The following RBFOX1 variants were observed in gnomAD, a reference collection of about 807,000 sequenced individuals.
RBFOX1 encodes RNA binding fox-1 homolog 1.
RBFOX1 carries 8 observed loss-of-function variants against 57.7 expected under a neutral mutation model. That is an observed-to-expected ratio of 0.14 (90% CI 0.08 to 0.25). RBFOX1 has a LOEUF of 0.25. Among genes scored for constraint, RBFOX1 ranks in the 10% least tolerant of loss-of-function variants. The pLI is 1.00. For synonymous variants in RBFOX1, 326 were observed against 222.4 expected (o/e 1.47, Z -4.15); for missense variants, 611 against 548.5 (o/e 1.11, Z -1.14).
chr16:6,989,105 C>T (rs370173066), intron 3 of RBFOX1, among the ~76,000 whole-genome samples: 25 of 152,110 alleles, frequency 1.6e-4, no homozygotes, highest in Non-Finnish European at 2.9e-4. Flanking sequence ...CCATGTTGGG[C>T]AGGTTGGCCT....
intron 3 of RBFOX1, among the ~76,000 whole-genome samples, chr16:5,632,231 G>A (rs1199661492): frequency 6.6e-6 from 1 of 152,186 alleles, no homozygotes; most frequent in East Asian, 1.9e-4. Flanking sequence ...ACGATGTCAT[G>A]AGACAACTAG....
chr16:6,509,125 CTTTT>C (rs2096190493), intron 2 of RBFOX1, among the ~76,000 whole-genome samples: 2 of 152,124 alleles, frequency 1.3e-5, no homozygotes, highest in African/African-American at 4.8e-5. Context: ...GTTGTGCTTT[CTTTT>C]GTCTTAAGTA....
intron 3 of RBFOX1, among the ~76,000 whole-genome samples, chr16:6,746,139 C>T (rs1157610423): frequency 6.6e-6 from 1 of 152,048 alleles, no homozygotes; most frequent in Non-Finnish European, 1.5e-5. Context: ...AATATGTGAG[C>T]ATACAGGCCA....
intron 2 of RBFOX1, among the ~76,000 whole-genome samples, chr16:6,387,513 A>G (rs2092360635): frequency 6.6e-6 from 1 of 152,140 alleles, no homozygotes; most frequent in Non-Finnish European, 1.5e-5. Flanking sequence ...GTGTAAAAAA[A>G]ATGAAGCCAT....
At chr16:7,566,731 A>G (rs902319440) in intron 5 of RBFOX1, among the ~76,000 whole-genome samples, 1 of 152,130 alleles carries the variant, frequency 6.6e-6, no homozygotes, top group African/African-American at 2.4e-5. Context: ...ATTCAGCATC[A>G]GTGATAGCCG....
At chr16:7,269,356 C>T (rs987327553) in intron 4 of RBFOX1, among the ~76,000 whole-genome samples, 1 of 151,976 alleles carries the variant, frequency 6.6e-6, no homozygotes. Context: ...CATACAAAAG[C>T]AAAAATCATC....
At chr16:7,129,664 G>A (rs2069659366) in intron 4 of RBFOX1, among the ~76,000 whole-genome samples, 1 of 152,080 alleles carries the variant, frequency 6.6e-6, no homozygotes, top group African/African-American at 2.4e-5. Context: ...AGGAAGAGGG[G>A]CCTTGCAGAA....
intron 2 of RBFOX1, among the ~76,000 whole-genome samples, chr16:5,480,737 T>C (rs1175588225): frequency 6.6e-6 from 1 of 152,228 alleles, no homozygotes; most frequent in Non-Finnish European, 1.5e-5. Flanking sequence ...CTTTGTCTTG[T>C]ATCTTGGAGC....
chr16:5,775,990 C>T (rs2054134633), intron 3 of RBFOX1, among the ~76,000 whole-genome samples: 1 of 152,178 alleles, frequency 6.6e-6, no homozygotes, highest in Non-Finnish European at 1.5e-5. Context: ...AGCTCTACAT[C>T]ACCTGGCCCA....
chr16:7,145,329 C>T (rs4786969), intron 4 of RBFOX1, among the ~76,000 whole-genome samples: 94,166 of 152,062 alleles, frequency 0.62, 32,996 homozygotes, highest in South Asian at 0.8. Flanking sequence ...CTTAGCCTCC[C>T]GATTAGCTGG....
rs78536406 is a variant in RBFOX1, at chr16:5,420,518, T to C, written c.220-46698T>C. Among the ~76,000 whole-genome samples, 5 of 152,260 alleles carry C rather than the reference T, an allele frequency of 3.3e-5. No individual in the cohort carries two copies. In the East Asian group the frequency reaches 7.7e-4, roughly 24 times the overall value. ...TTTGTTTTTTTTGTTGTTTGTTTTTTGTTTTTTTGAGACAGGGTCTCACTC... is the reference window on the plus strand; with the variant it reads ...TTTGTTTTTTTTGTTGTTTGTTTTTCGTTTTTTTGAGACAGGGTCTCACTC... On this transcript the variant is annotated intron_variant, in intron 1 of 2. Transcript: ENST00000585867.
intron 4 of RBFOX1, among the ~76,000 whole-genome samples, chr16:7,342,058 C>G (rs1354194975): frequency 6.6e-6 from 1 of 152,030 alleles, no homozygotes; most frequent in Non-Finnish European, 1.5e-5. Context: ...TCAGGAACTG[C>G]TCTCTGAAGA....
At chr16:6,940,163 G>A (rs116977707) in intron 3 of RBFOX1, among the ~76,000 whole-genome samples, 4,526 of 152,102 alleles carry the variant, frequency 0.03, 83 homozygotes, top group Non-Finnish European at 0.045. Context: ...CTCCACTCCA[G>A]TCTGGGCAAC....
At chr16:7,574,485 C>T (rs1159149149) in intron 5 of RBFOX1, among the ~76,000 whole-genome samples, 2 of 152,148 alleles carry the variant, frequency 1.3e-5, no homozygotes, top group East Asian at 3.9e-4. Flanking sequence ...GTACAGCCTT[C>T]AGTCTGTGGT....
At chr16:5,275,807 C>G (rs1382915176) in intron 1 of RBFOX1, among the ~76,000 whole-genome samples, 1 of 152,120 alleles carries the variant, frequency 6.6e-6, no homozygotes, top group East Asian at 1.9e-4. Context: ...CTATAGTGAC[C>G]AAAACAGCAT....
intron 4 of RBFOX1, among the ~76,000 whole-genome samples, chr16:5,993,930 G>A (rs1383156665): frequency 2.0e-5 from 3 of 152,174 alleles, no homozygotes; most frequent in African/African-American, 7.2e-5. Flanking sequence ...TTCAGCACTT[G>A]ATTTGGATGC....
intron 3 of RBFOX1, among the ~76,000 whole-genome samples, chr16:6,848,498 A>G (rs548978104): frequency 6.6e-6 from 1 of 152,106 alleles, no homozygotes; most frequent in Non-Finnish European, 1.5e-5. Context: ...ACTATTTGCT[A>G]TTTTCGACAT....
intron 1 of RBFOX1, among the ~76,000 whole-genome samples, chr16:5,303,115 A>G (rs376232129): frequency 6.6e-6 from 1 of 152,200 alleles, no homozygotes; most frequent in South Asian, 2.1e-4. Flanking sequence ...CAAGCTAGAA[A>G]ATGACCAGTA....
chr16:7,105,795 T>G (rs200936404), intron 4 of RBFOX1, among the ~76,000 whole-genome samples: 12 of 115,186 alleles, frequency 1.0e-4, no homozygotes, highest in African/African-American at 3.8e-4. Flanking sequence ...TAGAGATAGA[T>G]AGATAGAGAT....
Sources: allele counts gnomAD v4.1 joint callset (sites outside exome capture counted in the v4.1 genomes callset), GRCh38; gene constraint gnomAD v4.1.1; transcripts MANE v1.5; gene names NCBI Gene and HGNC (gene_info 2026-07-23, HGNC 2026-07-21).